Variants in CRYBG1 observed in about 807,000 individuals in gnomAD.
CRYBG1 encodes crystallin beta-gamma domain containing 1.
Under a neutral mutation model 189.2 loss-of-function variants are expected in CRYBG1, and 139 were observed. That is an observed-to-expected ratio of 0.73 (90% CI 0.64 to 0.85). The LOEUF is 0.85. Among genes scored for constraint, CRYBG1 ranks in the 40% least tolerant of loss-of-function variants. CRYBG1 has a pLI of 0.00. For synonymous variants in CRYBG1, 1,023 were observed against 1,017.1 expected, an observed-to-expected ratio of 1.01 and a Z score of -0.11; for missense variants, 2,611 against 2,675.8, an observed-to-expected ratio of 0.98 and a Z score of 0.53.
chr6:106,546,086 T>C (rs1774261266), intron 13 of CRYBG1, among the ~76,000 whole-genome samples: 1 of 152,206 alleles, frequency 6.6e-6, no homozygotes, highest in Non-Finnish European at 1.5e-5. Context: ...CCAATCACTG[T>C]AGCCACAGAG....
At chr6:106,470,247 C>T (rs1772203898) in intron 2 of CRYBG1, among the ~76,000 whole-genome samples, 2 of 152,072 alleles carry the variant, frequency 1.3e-5, no homozygotes, top group Admixed American at 1.3e-4. Flanking sequence ...TCCCTTGAAC[C>T]CCAGGAGGTC....
At chr6:106,522,521 GA>G (rs1210466580) in intron 4 of CRYBG1, among the ~76,000 whole-genome samples, 2 of 152,148 alleles carry the variant, frequency 1.3e-5, no homozygotes, top group African/African-American at 4.8e-5. Context: ...TTTTTGATGT[GA>G]ATTGCGCCTT....
At chr6:106,505,261 AT>A (rs1363929494) in intron 2 of CRYBG1, among the ~76,000 whole-genome samples, 2 of 151,914 alleles carry the variant, frequency 1.3e-5, no homozygotes, top group Non-Finnish European at 2.9e-5. Flanking sequence ...CACCCGGCTA[AT>A]TTTTTGTATT....
intron 2 of CRYBG1, among the ~76,000 whole-genome samples, chr6:106,462,259 C>T (rs1772025048): frequency 6.6e-6 from 1 of 152,220 alleles, no homozygotes; most frequent in South Asian, 2.1e-4. Flanking sequence ...CAAGCTCCGC[C>T]TCCCGGGTTC....
At chr6:106,450,266 T>A (rs1771757105) in intron 1 of CRYBG1, among the ~76,000 whole-genome samples, 2 of 151,524 alleles carry the variant, frequency 1.3e-5, no homozygotes, top group African/African-American at 4.8e-5. Context: ...ATTATGCCCA[T>A]CTATATCTCC....
chr6:106,504,949 A>T (rs939812370), intron 2 of CRYBG1, among the ~76,000 whole-genome samples: 66 of 104,630 alleles, frequency 6.3e-4, no homozygotes, highest in African/African-American at 1.7e-3. Flanking sequence ...GGAAGTTATT[A>T]AAAAAAAAAA....
intron 6 of CRYBG1, among the ~76,000 whole-genome samples, chr6:106,526,942 A>G (rs62423285): frequency 3.7e-5 from 1 of 26,710 alleles, no homozygotes; most frequent in African/African-American, 8.2e-5. Context: ...CTCTGTATCC[A>G]AAAAAAAAAA....
At chr6:106,562,167 A>C (rs948285100) in intron 20 of CRYBG1, among the ~76,000 whole-genome samples, 2 of 152,240 alleles carry the variant, frequency 1.3e-5, no homozygotes, top group Non-Finnish European at 2.9e-5. Context: ...CCCGTGAGTC[A>C]GCAGAAGGAA....
At chr6:106,446,101 G>C (rs1292470939) in intron 1 of CRYBG1, among the ~76,000 whole-genome samples, 2 of 152,196 alleles carry the variant, frequency 1.3e-5, no homozygotes, top group African/African-American at 2.4e-5. Context: ...GTAATCACCA[G>C]GGACTTTTTC....
intron 19 of CRYBG1, among the ~76,000 whole-genome samples, chr6:106,561,131 CGCA>C (rs1774705306): frequency 1.3e-5 from 2 of 152,212 alleles, no homozygotes; most frequent in Admixed American, 1.3e-4. Flanking sequence ...GAACATCAAA[CGCA>C]GTTATCCACA....
At chr6:106,528,548 G>C (rs1344233819) in intron 7 of CRYBG1, among the ~76,000 whole-genome samples, 1 of 152,128 alleles carries the variant, frequency 6.6e-6, no homozygotes, top group East Asian at 1.9e-4. Context: ...ACCTAACACT[G>C]TGGTTCTCAA....
At chr6:106,530,145 T>C (rs1449585273) in intron 7 of CRYBG1, 31 bp from the exon 8 acceptor site, 1 of 1,576,582 alleles carries the variant, frequency 6.3e-7, no homozygotes, top group Non-Finnish European at 8.6e-7. Context: ...ATGGTGCAAT[T>C]CTTACTATCT....
At chr6:106,417,987 G>A (rs1771057111) in intron 1 of CRYBG1, among the ~76,000 whole-genome samples, 1 of 152,268 alleles carries the variant, frequency 6.6e-6, no homozygotes, top group Non-Finnish European at 1.5e-5. Context: ...CTCTCTGCCG[G>A]TGAGGGCAAA....
chr6:106,388,447 G>A (rs1024874515), intron 1 of CRYBG1, among the ~76,000 whole-genome samples: 17 of 152,060 alleles, frequency 1.1e-4, no homozygotes, highest in Non-Finnish European at 1.9e-4. Context: ...TAAATTTTTG[G>A]CAAATGTTTT....
intron 3 of CRYBG1, 121 bp from the exon 4 acceptor site, chr6:106,519,006 CACCA>C: frequency 9.7e-7 from 1 of 1,026,376 alleles, no homozygotes; most frequent in Non-Finnish European, 1.4e-6. Context: ...CACACACACA[CACCA>C]CACTCCAAAT....
chr6:106,371,552 C>T (rs767638183), intron 1 of CRYBG1, among the ~76,000 whole-genome samples: 5 of 152,168 alleles, frequency 3.3e-5, no homozygotes, highest in Admixed American at 1.3e-4. Context: ...GTGGGATTAC[C>T]GAACTATTCT....
intron 13 of CRYBG1, among the ~76,000 whole-genome samples, chr6:106,548,470 A>G (rs866598608): frequency 6.6e-6 from 1 of 152,254 alleles, no homozygotes; most frequent in South Asian, 2.1e-4. Flanking sequence ...AGGAAAATAC[A>G]GTACCCATAC....
chr6:106,386,047 C>A (rs1770382349), intron 1 of CRYBG1, among the ~76,000 whole-genome samples: 1 of 152,206 alleles, frequency 6.6e-6, no homozygotes, highest in Non-Finnish European at 1.5e-5. Flanking sequence ...GGTACTTGGT[C>A]TCCACGTGGC....
chr6:106,465,793 G>C (rs1295258116), intron 2 of CRYBG1, among the ~76,000 whole-genome samples: 1 of 152,036 alleles, frequency 6.6e-6, no homozygotes, highest in Non-Finnish European at 1.5e-5. Context: ...TCAAATACAG[G>C]TCTTTTTTTG....
Sources: gnomAD v4.1 joint callset for allele counts (sites outside exome capture counted in the v4.1 genomes callset) on GRCh38, gnomAD v4.1.1 for gene constraint, MANE v1.5 for transcripts, NCBI Gene and HGNC (gene_info 2026-07-23, HGNC 2026-07-21) for gene names.